PTPRN2: variants seen among roughly 807,000 people sequenced by gnomAD.
PTPRN2 encodes protein tyrosine phosphatase receptor type N2.
Under a neutral mutation model 118.8 loss-of-function variants are expected in PTPRN2, and 74 were observed. That is an observed-to-expected ratio of 0.62 (90% CI 0.52 to 0.76). The LOEUF (loss-of-function observed/expected upper bound fraction) is 0.76, where lower values mean the gene tolerates loss of function less well. PTPRN2 is among the 30% of genes least tolerant of loss of function. The pLI is 0.00. For missense variants in PTPRN2, 1,481 were observed against 1,394.4 expected (o/e 1.06, Z -0.99); for synonymous variants, 641 against 608.0 (o/e 1.05, Z -0.80).
At chr7:157,966,736 CTTCA>C (rs1384519093) in intron 11 of PTPRN2, among the ~76,000 whole-genome samples, 1 of 152,044 alleles carries the variant, frequency 6.6e-6, no homozygotes, top group Middle Eastern at 3.2e-3. Context: ...CCACCATCGT[CTTCA>C]TTATCACCAT....
Position 158,252,679 on chromosome 7 carries a change from C to T in PTPRN2, c.278-47406G>A, listed in dbSNP as rs11974447. Among the ~76,000 whole-genome samples, 456 of 152,300 alleles carry T rather than the reference C, an allele frequency of 3.0e-3. 3 individuals are homozygous for T. The highest frequency in any genetic ancestry group is 0.011 in the African/African-American group (437 of 41,570). ...AGCTGCACAGACGCGTGACAGGCACCCCAGTGCTGAAGCCCAAGGAGGAGG... is the reference window on the plus strand; with the variant it reads ...AGCTGCACAGACGCGTGACAGGCACTCCAGTGCTGAAGCCCAAGGAGGAGG... On this transcript the variant is annotated intron_variant, in intron 3 of 22. Transcript: ENST00000389418.
At chr7:157,768,889 G>T (rs745860763) in intron 12 of PTPRN2, among the ~76,000 whole-genome samples, 13 of 152,290 alleles carry the variant, frequency 8.5e-5, no homozygotes, top group Non-Finnish European at 1.6e-4. Context: ...GCCCTCGGAA[G>T]AAGTTACTCG....
chr7:157,693,506 C>A (rs1210307927), intron 12 of PTPRN2, among the ~76,000 whole-genome samples: 1 of 152,160 alleles, frequency 6.6e-6, no homozygotes, highest in African/African-American at 2.4e-5. Context: ...CCCCGACCCT[C>A]CCGCTGCGGT....
intron 17 of PTPRN2, among the ~76,000 whole-genome samples, chr7:157,579,009 T>A (rs1800208351): frequency 6.6e-6 from 1 of 151,148 alleles, no homozygotes. Flanking sequence ...AAATTTGGTA[T>A]CCAAGACAGT....
At chr7:157,772,890 T>C (rs1638749) in intron 12 of PTPRN2, among the ~76,000 whole-genome samples, 53,224 of 152,212 alleles carry the variant, frequency 0.35, 11,739 homozygotes, top group African/African-American at 0.62. Context: ...AGGGTGTGGC[T>C]TGGAGCCGTG....
chr7:157,544,090 T>TG lies in PTPRN2; in HGVS notation c.2977-3306dup, dbSNP rs1448939470. ...AGAGGTGGAGAGAGACGGAGAGAGG[T>TG]GAAGAGAGGCGGAGAGAGGTGGAGA... is the stretch of plus-strand genomic sequence containing the variant. On this transcript the variant is annotated intron_variant, in intron 22 of 22. Transcript: ENST00000389418. Among the ~76,000 whole-genome samples, 246 of 125,184 alleles carry TG rather than the reference T, an allele frequency of 2.0e-3. 1 individual carries two copies. Among genetic ancestry groups the TG allele is most frequent in the African/African-American group, 7.2e-3 (233 of 32,206 alleles). 82.1% of individuals were successfully genotyped at this position (125,184 alleles called of 152,430 possible).
chr7:158,275,716 C>T lies in PTPRN2; in HGVS notation c.277+41103G>A, dbSNP rs1798915641. ...GTTATGTGGGGTGGGTTTGCCAGGG[C>T]TGGCCCCCACCCTGCGCACCTCCAC... On this transcript the variant is annotated intron_variant, in intron 3 of 22. Transcript: ENST00000389418. Among the ~76,000 whole-genome samples the T allele has an allele frequency of 2.0e-5, 3 of 152,294 alleles. No individual in the cohort carries two copies. In the South Asian group the frequency reaches 6.2e-4, roughly 32 times the overall value.
At chr7:158,248,931 G>A (rs1418732420) in intron 3 of PTPRN2, among the ~76,000 whole-genome samples, 1 of 145,054 alleles carries the variant, frequency 6.9e-6, no homozygotes, top group African/African-American at 2.6e-5. Flanking sequence ...GTGCACACAT[G>A]CCACACACAT....
rs188178450 is a variant in PTPRN2 at position 157,685,214 on chromosome 7, C to T, written c.1789-2277G>A. The stretch of plus-strand genomic sequence containing the variant: ...CCCCTCATCCCGGCCGGGCCGATGG[C>T]CCCCGCGCGCCTCCATCCGCCCCAG... On this transcript the variant is annotated intron_variant, in intron 12 of 22. Coordinates refer to ENST00000389418, the MANE Select transcript of PTPRN2 (RefSeq NM_002847.5). Among the ~76,000 whole-genome samples, 874 of 151,934 alleles carry T rather than the reference C, an allele frequency of 5.8e-3. 11 individuals are homozygous for T. Among genetic ancestry groups the T allele is most frequent in the African/African-American group, 0.02 (831 of 41,492 alleles).
At chr7:158,238,440 G>C (rs1284907258) in intron 3 of PTPRN2, among the ~76,000 whole-genome samples, 8 of 152,120 alleles carry the variant, frequency 5.3e-5, no homozygotes, top group African/African-American at 1.4e-4. Flanking sequence ...CAAGGCTTCT[G>C]GTCTCTGCCG....
intron 14 of PTPRN2, among the ~76,000 whole-genome samples, chr7:157,648,868 G>A (rs1302899891): frequency 6.8e-6 from 1 of 146,178 alleles, no homozygotes; most frequent in Non-Finnish European, 1.5e-5. Flanking sequence ...GAACTCGGTG[G>A]GTCGGACCCA....
At chr7:158,147,334 C>T (rs751996108) in intron 6 of PTPRN2, among the ~76,000 whole-genome samples, 1 of 91,976 alleles carries the variant, frequency 1.1e-5, no homozygotes, top group Non-Finnish European at 2.0e-5. Context: ...TTCCCCCTCA[C>T]CGACACCCCA....
chr7:158,386,245 C>T (rs1022036664), intron 2 of PTPRN2, among the ~76,000 whole-genome samples: 2 of 129,224 alleles, frequency 1.5e-5, no homozygotes, highest in African/African-American at 3.1e-5. Context: ...TGTGCCCCTC[C>T]TCCCTCCTCC....
At position 158,134,151 on chromosome 7, in the gene PTPRN2, G is replaced by T. The variant is rs940669905; in HGVS notation, c.1174-92C>A. 11 of 1,426,078 alleles carry T rather than the reference G, an allele frequency of 7.7e-6. No homozygotes were observed. The Admixed American group carries it at 2.3e-4, about 30-fold the overall frequency. The allele number at this position is 1,426,078 out of a possible 1,614,324, so 88.3% of individuals were successfully genotyped here. ...GGGCTGCCCGGGACAGAGTCACTGT[G>T]GGGATGACATGGGCAGCCTGGAAGG... On this transcript the variant is annotated intron_variant, in intron 8 of 22. Transcript: ENST00000389418.
intron 13 of PTPRN2, 81 bp from the exon 14 acceptor site, chr7:157,656,632 G>T: frequency 7.7e-7 from 1 of 1,304,426 alleles, no homozygotes; most frequent in Non-Finnish European, 1.0e-6. Context: ...CACCCACGTG[G>T]CACAACCCCT....
chr7:157,599,815 C>G (rs1285779147), intron 16 of PTPRN2, among the ~76,000 whole-genome samples: 1 of 152,174 alleles, frequency 6.6e-6, no homozygotes, highest in East Asian at 1.9e-4. Flanking sequence ...TAAGCACACA[C>G]CTCATCTGTA....
At chr7:158,584,010 C>A (rs1172939905) in intron 1 of PTPRN2, among the ~76,000 whole-genome samples, 2 of 152,200 alleles carry the variant, frequency 1.3e-5, no homozygotes, top group Non-Finnish European at 2.9e-5. Context: ...GATGGCTCTG[C>A]CTCTCGGCTC....
chr7:158,192,385 G>T lies in PTPRN2; in HGVS notation c.491C>A (p.Ala164Asp). 6.5e-7 allele frequency: 1 copy of T among 1,530,680 alleles called. No homozygotes were observed. Among genetic ancestry groups the T allele is most frequent in the African/African-American group, 1.4e-5 (1 of 69,062 alleles). 94.8% of individuals were successfully genotyped at this position (1,530,680 alleles called of 1,614,324 possible). A position where few individuals can be genotyped will look rare whatever the true frequency, so the allele number is the denominator to read the frequency against. ...HLPFLEALSQAPASDVLARTH... is the reference protein window; with the variant it reads ...HLPFLEALSQDPASDVLARTH... ...CCTGGCGAGCACGTCTGAGGCTGGG[G>T]CCTGGGACAGGGCCTCCAGGAAGGG... The change falls in exon 5 of 23, where the codon GCC becomes GAC. Residue 164 changes from alanine to aspartate, a missense_variant. Physicochemically the swap from Ala to Asp is moderately radical, Grantham distance 126. Around this residue, in one of 3 missense-constraint regions of PTPRN2, gnomAD observed 1,115 missense variants for 994.2 expected, o/e 1.12. Transcript: ENST00000389418.
chr7:158,182,719 A>T (rs1225437119), intron 5 of PTPRN2, among the ~76,000 whole-genome samples: 1 of 152,110 alleles, frequency 6.6e-6, no homozygotes, highest in Admixed American at 6.6e-5. Context: ...CATCTACTCT[A>T]TTTTGGAGAA....
Sources: gnomAD v4.1 joint callset for allele counts (sites outside exome capture counted in the v4.1 genomes callset) on GRCh38, gnomAD v4.1.1 for gene constraint, gnomAD v4.1.1 regional missense constraint, MANE v1.5 for transcripts, NCBI Gene and HGNC (gene_info 2026-07-23, HGNC 2026-07-21) for gene names.